Variants in ABTB3 observed in about 807,000 individuals in gnomAD.
ABTB3 encodes ankyrin repeat- and BTB/POZ domain-containing protein 3.
chr12:107,415,357 G>A, the ABTB3 span, among the ~76,000 whole-genome samples: 1 of 152,114 alleles, frequency 6.6e-6, no homozygotes, highest in Non-Finnish European at 1.5e-5. Context: ...GCCTCCTCCA[G>A]CAGAGAAGAA....
At chr12:107,375,851 C>G in the ABTB3 span, among the ~76,000 whole-genome samples, 1 of 152,206 alleles carries the variant, frequency 6.6e-6, no homozygotes, top group South Asian at 2.1e-4. Context: ...TTCAAACCTG[C>G]AGAGGCTTCC....
the ABTB3 span, among the ~76,000 whole-genome samples, chr12:107,332,452 G>C: frequency 6.6e-6 from 1 of 152,146 alleles, no homozygotes; most frequent in Non-Finnish European, 1.5e-5. Context: ...CTTGCTCAAA[G>C]TCCTACAGTT....
the ABTB3 span, among the ~76,000 whole-genome samples, chr12:107,531,284 A>G: frequency 6.6e-6 from 1 of 152,252 alleles, no homozygotes; most frequent in African/African-American, 2.4e-5. Context: ...AAAGCAACCC[A>G]GTGGAGGATT....
the ABTB3 span, among the ~76,000 whole-genome samples, chr12:107,548,193 T>C: frequency 8.5e-6 from 1 of 117,210 alleles, no homozygotes; most frequent in Non-Finnish European, 1.8e-5. Flanking sequence ...CTCTCCTGTG[T>C]TCTTTTTATC....
the ABTB3 span, among the ~76,000 whole-genome samples, chr12:107,638,213 C>G: frequency 6.6e-6 from 1 of 152,268 alleles, no homozygotes; most frequent in East Asian, 1.9e-4. Flanking sequence ...TGAGGTAGCT[C>G]TGTACTGACA....
the ABTB3 span, among the ~76,000 whole-genome samples, chr12:107,392,013 C>T: frequency 6.6e-6 from 1 of 152,202 alleles, no homozygotes; most frequent in Non-Finnish European, 1.5e-5. Context: ...CAGTCGAAGG[C>T]AAGTTACTTA....
the ABTB3 span, among the ~76,000 whole-genome samples, chr12:107,653,979 T>C: frequency 6.6e-6 from 1 of 152,220 alleles, no homozygotes; most frequent in Non-Finnish European, 1.5e-5. Flanking sequence ...TTTACCATTC[T>C]ACTTCCTGTC....
the ABTB3 span, among the ~76,000 whole-genome samples, chr12:107,589,747 C>T: frequency 2.0e-5 from 3 of 152,204 alleles, no homozygotes; most frequent in East Asian, 5.8e-4. Context: ...CAGCTGGCCT[C>T]CTCCTCTCTT....
the ABTB3 span, among the ~76,000 whole-genome samples, chr12:107,480,281 A>C: frequency 2.1e-4 from 30 of 140,448 alleles, no homozygotes; most frequent in East Asian, 4.5e-4. Flanking sequence ...TGCATGACCC[A>C]AAAAAAAAAA....
At chr12:107,416,732 G>A in the ABTB3 span, among the ~76,000 whole-genome samples, 1 of 152,096 alleles carries the variant, frequency 6.6e-6, no homozygotes, top group Non-Finnish European at 1.5e-5. Flanking sequence ...ACAATCAAGT[G>A]GTCCTACTGC....
At chr12:107,319,866 G>T in the ABTB3 span, 1 of 1,233,602 alleles carries the variant, frequency 8.1e-7, no homozygotes, top group Middle Eastern at 3.0e-4. Flanking sequence ...AGCGCCAGCG[G>T]GGGCAGCAGC....
the ABTB3 span, among the ~76,000 whole-genome samples, chr12:107,570,785 C>T: frequency 1.6e-4 from 25 of 152,290 alleles, no homozygotes; most frequent in African/African-American, 6.0e-4. Context: ...CCTCTCTCTC[C>T]AGCATTGCCT....
the ABTB3 span, among the ~76,000 whole-genome samples, chr12:107,641,002 G>T: frequency 6.6e-6 from 1 of 152,304 alleles, no homozygotes; most frequent in Admixed American, 6.5e-5. Flanking sequence ...GAGGAGGCAG[G>T]AGAGAATGAT....
At chr12:107,456,831 C>A in the ABTB3 span, among the ~76,000 whole-genome samples, 63 of 151,454 alleles carry the variant, frequency 4.2e-4, no homozygotes, top group Admixed American at 2.6e-3. Flanking sequence ...AGTGACGGTG[C>A]ATGTGGCCAC....
chr12:107,655,167 C>T, the ABTB3 span, among the ~76,000 whole-genome samples: 1 of 152,016 alleles, frequency 6.6e-6, no homozygotes, highest in Non-Finnish European at 1.5e-5. Flanking sequence ...TAGCATATCT[C>T]GTGATTTACT....
the ABTB3 span, among the ~76,000 whole-genome samples, chr12:107,433,877 A>C: frequency 6.6e-6 from 1 of 152,234 alleles, no homozygotes; most frequent in Admixed American, 6.5e-5. Context: ...ATCAGGGATC[A>C]GTCGGGTTCT....
At chr12:107,428,154 T>C in the ABTB3 span, among the ~76,000 whole-genome samples, 1 of 152,192 alleles carries the variant, frequency 6.6e-6, no homozygotes, top group African/African-American at 2.4e-5. Context: ...CAATAGATGC[T>C]TGTTGAATGG....
chr12:107,508,892 A>G, the ABTB3 span, among the ~76,000 whole-genome samples: 1 of 152,340 alleles, frequency 6.6e-6, no homozygotes, highest in Admixed American at 6.5e-5. Context: ...AGAACTTTCA[A>G]AGGCCACAGT....
At chr12:107,500,428 T>C in the ABTB3 span, among the ~76,000 whole-genome samples, 3 of 152,232 alleles carry the variant, frequency 2.0e-5, no homozygotes, top group Admixed American at 6.5e-5. Flanking sequence ...TGCTGCCCTT[T>C]GATTCTCTCC....
Sources: gnomAD v4.1 joint callset for allele counts (sites outside exome capture counted in the v4.1 genomes callset) on GRCh38, gnomAD v4.1.1 for gene constraint, MANE v1.5 for transcripts, NCBI Gene and HGNC (gene_info 2026-07-23, HGNC 2026-07-21) for gene names.